Variants in INAVA observed in about 807,000 individuals in gnomAD.
The protein encoded by INAVA is innate immunity activator protein.
INAVA carries 32 observed loss-of-function variants against 55.3 expected under a neutral mutation model. The ratio of observed to expected loss-of-function variants is 0.58; its 90% CI spans 0.44 to 0.78. The LOEUF (loss-of-function observed/expected upper bound fraction) is 0.78. INAVA is among the 30% of genes least tolerant of loss of function. INAVA has a pLI of 0.00. For synonymous variants in INAVA, 294 were observed against 329.4 expected, an observed-to-expected ratio of 0.89 and a Z score of 1.16; for missense variants, 756 against 786.4, an observed-to-expected ratio of 0.96 and a Z score of 0.46.
chr1:200,908,078 C>T (rs750040041), intron 6 of INAVA, 191 bp downstream of exon 6: 20 of 484,264 alleles, frequency 4.1e-5, no homozygotes, highest in East Asian at 3.2e-4. Flanking sequence ...GGGGAATGTG[C>T]GATCATCTCC....
intron 2 of INAVA, 100 bp from the exon 3 acceptor site, chr1:200,899,373 G>T: frequency 1.5e-6 from 1 of 668,382 alleles, no homozygotes; most frequent in Non-Finnish European, 2.4e-6. Context: ...GTGTGTGTGT[G>T]CATGTGTGTG....
chr1:200,898,214 C>T lies in INAVA; in HGVS notation c.-94-93C>T. On this transcript the variant is annotated intron_variant, in intron 1 of 9. Transcript: ENST00000413687. ...GGTTCCTGAAGCACAGTCCTCCCTTCCACTCCCCTGCTCTCAAGCATCTAT... is the reference window on the plus strand; with the variant it reads ...GGTTCCTGAAGCACAGTCCTCCCTTTCACTCCCCTGCTCTCAAGCATCTAT... 2.9e-6 allele frequency: 4 copies of T among 1,370,184 alleles called. No homozygotes were observed. The South Asian group carries it at 5.3e-5, about 18-fold the overall frequency. The allele number at this position is 1,370,184 out of a possible 1,614,324, so 84.9% of individuals were successfully genotyped here.
At chr1:200,897,484 A>G (rs1668377242) in intron 1 of INAVA, among the ~76,000 whole-genome samples, 1 of 152,084 alleles carries the variant, frequency 6.6e-6, no homozygotes, top group African/African-American at 2.4e-5. Context: ...GGCGTCCTGG[A>G]CTTCGGAGGC....
chr1:200,901,179 G>C lies in INAVA; in HGVS notation c.520+20G>C, dbSNP rs373530210. The C allele has an allele frequency of 2.0e-4, 292 of 1,487,588 alleles. No individual in the cohort carries two copies. In the Middle Eastern group the frequency reaches 2.4e-3, roughly 12 times the overall value. The allele number at this position is 1,487,588 out of a possible 1,614,324, so 92.1% of individuals were successfully genotyped here. A position where few individuals can be genotyped will look rare whatever the true frequency, so the allele number is the denominator to read the frequency against. ...GCCGAGGTGAGCCGGCTGCCCTGAG[G>C]GGGGCCATGCTCCTTAAATGAGCTT... On this transcript the variant is annotated intron_variant, in intron 5 of 9. Transcript: ENST00000413687.
intron 5 of INAVA, among the ~76,000 whole-genome samples, chr1:200,907,265 T>G (rs1426447164): frequency 6.6e-6 from 1 of 152,166 alleles, no homozygotes; most frequent in Non-Finnish European, 1.5e-5. Flanking sequence ...TTGAAATGGT[T>G]TATTCAAGGT....
At chr1:200,895,209 T>A in intron 1 of INAVA, 122 bp downstream of exon 1, 4 of 787,354 alleles carry the variant, frequency 5.1e-6, no homozygotes, top group Non-Finnish European at 6.2e-6. Flanking sequence ...CTATGTCTGG[T>A]GTGTAGGGAT....
chr1:200,901,162 G>A lies in INAVA; in HGVS notation c.520+3G>A, dbSNP rs1427464717. The A allele has an allele frequency of 4.0e-6, 6 of 1,504,696 alleles. No individual in the cohort carries two copies. The Admixed American group carries it at 8.2e-5, about 21-fold the overall frequency. The allele number at this position is 1,504,696 out of a possible 1,614,324, so 93.2% of individuals were successfully genotyped here. Reference sequence around the variant, plus strand: ...TGCTGCTCTCCCCCTGGGCCGAGGTGAGCCGGCTGCCCTGAGGGGGGCCAT... The same window carrying A: ...TGCTGCTCTCCCCCTGGGCCGAGGTAAGCCGGCTGCCCTGAGGGGGGCCAT... On this transcript the variant is annotated splice_donor_region_variant and intron_variant, in intron 5 of 9. Transcript: ENST00000413687.
chr1:200,903,910 G>T (rs183141615), intron 5 of INAVA, among the ~76,000 whole-genome samples: 6 of 151,920 alleles, frequency 3.9e-5, no homozygotes, highest in Admixed American at 3.3e-4. Flanking sequence ...GTTTGGGAAA[G>T]TAACTGCTAG....
chr1:200,891,558 G>A (rs780349432), upstream of INAVA: 34 of 1,603,726 alleles, frequency 2.1e-5, no homozygotes, highest in South Asian at 2.9e-4. Flanking sequence ...AAATGCCGAA[G>A]TTAAATGAAA....
At chr1:200,898,087 G>A (rs1653020712) in intron 1 of INAVA, among the ~76,000 whole-genome samples, 1 of 152,136 alleles carries the variant, frequency 6.6e-6, no homozygotes, top group South Asian at 2.1e-4. Context: ...AGGGGAGTTA[G>A]GCTGGGCCCC....
At chr1:200,895,552 G>A (rs1028994509) in intron 1 of INAVA, among the ~76,000 whole-genome samples, 1 of 152,066 alleles carries the variant, frequency 6.6e-6, no homozygotes, top group African/African-American at 2.4e-5. Flanking sequence ...GGGTGGGGAT[G>A]TTACCTGAAC....
At chr1:200,906,577 T>A (rs1221391436) in intron 5 of INAVA, 2 of 149,484 alleles carry the variant, frequency 1.3e-5, no homozygotes, top group African/African-American at 4.9e-5. Flanking sequence ...ATAGCACAAA[T>A]GAGTTCCCTC....
At chr1:200,892,277 C>G (rs1478446546), upstream of INAVA, among the ~76,000 whole-genome samples, 2 of 152,108 alleles carry the variant, frequency 1.3e-5, no homozygotes, top group Admixed American at 6.5e-5. Context: ...TTCCTTAATT[C>G]TTGAAGTAAG....
chr1:200,906,650 G>A (rs756153054), intron 5 of INAVA, among the ~76,000 whole-genome samples: 43 of 152,072 alleles, frequency 2.8e-4, no homozygotes, highest in Non-Finnish European at 6.0e-4. Context: ...TTTCCTTCAG[G>A]TGACTTGCCA....
intron 7 of INAVA, 59 bp from the exon 8 acceptor site, chr1:200,909,165 C>G: frequency 6.8e-7 from 1 of 1,465,642 alleles, no homozygotes; most frequent in Non-Finnish European, 9.1e-7. Context: ...TCTTCTGCAC[C>G]TCTTGAGCCC....
chr1:200,894,754 C>G, upstream of INAVA: 3 of 983,080 alleles, frequency 3.1e-6, no homozygotes, highest in Non-Finnish European at 3.6e-6. Context: ...CCCTTTTTCC[C>G]TGCTACCCTC....
At chr1:200,898,850 T>C (rs978858561) in intron 2 of INAVA, among the ~76,000 whole-genome samples, 2 of 152,086 alleles carry the variant, frequency 1.3e-5, no homozygotes, top group Admixed American at 6.6e-5. Context: ...CCATCCTGGC[T>C]ACCACATAGT....
chr1:200,903,586 C>G (rs370740727), intron 5 of INAVA, among the ~76,000 whole-genome samples: 46 of 151,846 alleles, frequency 3.0e-4, no homozygotes, highest in Admixed American at 2.8e-3. Context: ...GGGTGGATCA[C>G]TTGAGGTCGG....
chr1:200,891,541 A>T, upstream of INAVA: 1 of 1,602,582 alleles, frequency 6.2e-7, no homozygotes, highest in Non-Finnish European at 8.5e-7. Context: ...AACATTTGGG[A>T]TGCTGCAAAT....
Sources: allele counts gnomAD v4.1 joint callset (sites outside exome capture counted in the v4.1 genomes callset), GRCh38; gene constraint gnomAD v4.1.1; transcripts MANE v1.5; gene names NCBI Gene and HGNC (gene_info 2026-07-23, HGNC 2026-07-21).